FAM193A: variants seen among roughly 807,000 people sequenced by gnomAD.
FAM193A encodes family with sequence similarity 193 member A.
In FAM193A, 22 loss-of-function variants were observed where a neutral mutation model predicts 126.5. The ratio of observed to expected loss-of-function variants is 0.17; its 90% CI spans 0.12 to 0.25. The LOEUF (loss-of-function observed/expected upper bound fraction) is 0.25, where lower values mean the gene tolerates loss of function less well. Among genes scored for constraint, FAM193A ranks in the 10% least tolerant of loss-of-function variants. The probability of loss-of-function intolerance (pLI) is 1.00; values close to 1 mark genes in which losing one functional copy is unlikely to be tolerated. For missense variants in FAM193A, 1,675 were observed against 1,672.8 expected, an observed-to-expected ratio of 1.00 and a Z score of -0.02; for synonymous variants, 761 against 646.8, an observed-to-expected ratio of 1.18 and a Z score of -2.68.
intron 1 of FAM193A, among the ~76,000 whole-genome samples, chr4:2,562,224 G>A (rs1463308614): frequency 6.6e-6 from 1 of 152,166 alleles, no homozygotes; most frequent in East Asian, 1.9e-4. Flanking sequence ...GAGGCAGGAG[G>A]ATTGCTTGAG....
At chr4:2,586,997 C>G (rs1333127604) in intron 1 of FAM193A, among the ~76,000 whole-genome samples, 1 of 152,054 alleles carries the variant, frequency 6.6e-6, no homozygotes, top group African/African-American at 2.4e-5. Flanking sequence ...CTGTATTGTT[C>G]TTCATGAATG....
At chr4:2,666,627 C>T (rs1202690809) in intron 12 of FAM193A, among the ~76,000 whole-genome samples, 1 of 152,092 alleles carries the variant, frequency 6.6e-6, no homozygotes, top group Non-Finnish European at 1.5e-5. Context: ...CCAGCAAAAT[C>T]CTGTAGGCCT....
intron 1 of FAM193A, among the ~76,000 whole-genome samples, chr4:2,586,656 G>A (rs1309126669): frequency 6.6e-6 from 1 of 151,992 alleles, no homozygotes; most frequent in Non-Finnish European, 1.5e-5. Context: ...AATTATTATA[G>A]CATTTGTTGT....
chr4:2,594,688 C>T (rs1400858353), intron 1 of FAM193A, among the ~76,000 whole-genome samples: 3 of 152,092 alleles, frequency 2.0e-5, no homozygotes, highest in Admixed American at 6.5e-5. Context: ...GTGAAGGACC[C>T]GTCTTAGGAT....
chr4:2,703,288 C>A (rs1259651905), intron 19 of FAM193A, among the ~76,000 whole-genome samples: 2 of 152,166 alleles, frequency 1.3e-5, no homozygotes, highest in East Asian at 3.8e-4. Context: ...ACTCTGTCAT[C>A]TAGGCTGGAG....
At chr4:2,568,826 AT>A (rs1472487739) in intron 1 of FAM193A, among the ~76,000 whole-genome samples, 14 of 152,178 alleles carry the variant, frequency 9.2e-5, no homozygotes, top group Admixed American at 2.6e-4. Context: ...CTGATTCTAG[AT>A]TATAGAAGGA....
intron 1 of FAM193A, among the ~76,000 whole-genome samples, chr4:2,589,778 G>A (rs879864638): frequency 1.3e-5 from 2 of 152,160 alleles, no homozygotes; most frequent in African/African-American, 4.8e-5. Context: ...GGTGAAAAGG[G>A]CACAGGTATT....
chr4:2,690,711 A>G lies in FAM193A; in HGVS notation c.2544A>G (p.Leu848=). 6.2e-7 allele frequency: 1 copy of G among 1,611,698 alleles called. No homozygotes were observed. Among genetic ancestry groups the G allele is most frequent in the Non-Finnish European group, 8.5e-7 (1 of 1,179,212 alleles). ...TCTTCTTTGAAGGGAGTGAAATATT[A>G]GGGCCAACACTCTCAGAAACAAGAC... The part of the protein sequence containing the change: ...LPDTISGSEI[L]GPTLSETRPE... Residue 848 remains leucine (L), a synonymous_variant, in exon 15 of 21, where the codon TTA becomes TTG. Transcript: ENST00000637812.
At chr4:2,594,806 T>C (rs1740760302) in intron 1 of FAM193A, among the ~76,000 whole-genome samples, 1 of 144,656 alleles carries the variant, frequency 6.9e-6, no homozygotes, top group Non-Finnish European at 1.5e-5. Flanking sequence ...TTTCTTTCTT[T>C]TTCTTTTCTT....
In FAM193A at chr4:2,730,109, T is replaced by G. The variant is rs577618584; in HGVS notation, c.4455-1666T>G. Among the ~76,000 whole-genome samples, 4 of 152,246 alleles carry G rather than the reference T, an allele frequency of 2.6e-5. No individual in the cohort carries two copies. In the South Asian group the frequency reaches 8.3e-4, roughly 32 times the overall value. Reference sequence around the variant, plus strand: ...TTTTTGTAAAGATGGAGTCTCACTGTGTTGCACGGGCTGGTCTCAAACGCC... The same window carrying G: ...TTTTTGTAAAGATGGAGTCTCACTGGGTTGCACGGGCTGGTCTCAAACGCC... On this transcript the variant is annotated intron_variant, in intron 20 of 20. Transcript: ENST00000637812.
chr4:2,700,674 A>G (rs1717620867), intron 19 of FAM193A, 130 bp downstream of exon 19: 1 of 1,151,872 alleles, frequency 8.7e-7, no homozygotes, highest in East Asian at 2.4e-5. Flanking sequence ...AAAAGAGCGT[A>G]GAGGGGCCAG....
intron 2 of FAM193A, among the ~76,000 whole-genome samples, chr4:2,606,321 A>T (rs1340080059): frequency 6.6e-6 from 1 of 152,108 alleles, no homozygotes; most frequent in Non-Finnish European, 1.5e-5. Flanking sequence ...AAGTGTTGGG[A>T]TTATAGGCGT....
At chr4:2,615,042 A>G (rs1045100976) in intron 2 of FAM193A, 1 of 151,896 alleles carries the variant, frequency 6.6e-6, no homozygotes, top group African/African-American at 2.4e-5. Flanking sequence ...TTTTGTTTTA[A>G]TTGCTTTTCC....
chr4:2,703,272 A>G (rs545465723), intron 19 of FAM193A, among the ~76,000 whole-genome samples: 6 of 152,178 alleles, frequency 3.9e-5, no homozygotes, highest in Admixed American at 1.3e-4. Flanking sequence ...TTTAAGGTGG[A>G]GTCTCACTCT....
At chr4:2,614,382 G>A (rs1742064268) in intron 2 of FAM193A, among the ~76,000 whole-genome samples, 1 of 152,178 alleles carries the variant, frequency 6.6e-6, no homozygotes, top group African/African-American at 2.4e-5. Context: ...TGATAACAGA[G>A]TTTTCCTTTT....
chr4:2,699,438 C>CT (rs1553912477), intron 18 of FAM193A, among the ~76,000 whole-genome samples: 1 of 79,658 alleles, frequency 1.3e-5, no homozygotes, highest in South Asian at 6.2e-4. Context: ...TAACTACCAC[C>CT]CCCCCCCCCA....
chr4:2,555,954 G>T (rs539991763), intron 1 of FAM193A, among the ~76,000 whole-genome samples: 1 of 151,238 alleles, frequency 6.6e-6, no homozygotes, highest in African/African-American at 2.4e-5. Flanking sequence ...GCCCAGGCTG[G>T]AGTGCCATGG....
intron 1 of FAM193A, among the ~76,000 whole-genome samples, chr4:2,568,973 C>CTTTTTTTTTTTTTTTTTTTTTTTGTT (rs753557878): frequency 1.1e-4 from 10 of 90,726 alleles, no homozygotes; most frequent in Non-Finnish European, 9.7e-5. Flanking sequence ...TGTTGTTTTG[C>CTTTTTTTTTTTTTTTTTTTTTTTGTT]TTTTTTTTTT....
In FAM193A at chr4:2,690,877, T is replaced by A; in HGVS notation, c.2710T>A (p.Ser904Thr). The change falls in exon 15 of 21, where the codon TCA (serine) becomes ACA (threonine). Residue 904 changes from serine (S) to threonine (T), a missense_variant. Ser to Thr is a moderately conservative substitution (Grantham distance 58). Coordinates refer to ENST00000637812, the MANE Select transcript of FAM193A (RefSeq NM_001366318.2). ...MEANKVVMAT[S>T]SATSSVSCTA... ...AGCAAATAAAGTTGTCATGGCCACG[T>A]CATCAGCCACGTCCTCTGTGTCCTG... is the stretch of plus-strand genomic sequence containing the variant. 6.2e-7 allele frequency: 1 copy of A among 1,614,170 alleles called. No homozygotes were observed. The highest frequency in any genetic ancestry group is 8.5e-7 in the Non-Finnish European group (1 of 1,180,006).
Sources: allele counts gnomAD v4.1 joint callset (sites outside exome capture counted in the v4.1 genomes callset), GRCh38; gene constraint gnomAD v4.1.1; transcripts MANE v1.5; gene names NCBI Gene and HGNC (gene_info 2026-07-23, HGNC 2026-07-21).